Variants in CCDC13 observed in about 807,000 individuals in gnomAD.
The protein encoded by CCDC13 is coiled-coil domain-containing protein 13.
CCDC13 carries 70 observed loss-of-function variants against 87.3 expected under a neutral mutation model. The ratio of observed to expected loss-of-function variants is 0.80; its 90% CI spans 0.66 to 0.98. The LOEUF (loss-of-function observed/expected upper bound fraction) is 0.98, where lower values mean the gene tolerates loss of function less well. Among genes scored for constraint, CCDC13 ranks in the 50% least tolerant of loss-of-function variants. The pLI, the probability that CCDC13 is intolerant of heterozygous loss-of-function variation, is 0.00. For synonymous variants in CCDC13, 317 were observed against 360.3 expected (o/e 0.88, Z 1.36); for missense variants, 842 against 892.0 (o/e 0.94, Z 0.71).
At chr3:42,727,231 G>A (rs940144385) in intron 13 of CCDC13, among the ~76,000 whole-genome samples, 1 of 152,036 alleles carries the variant, frequency 6.6e-6, no homozygotes, top group Non-Finnish European at 1.5e-5. Flanking sequence ...AATTAGCTGG[G>A]CGTAGTGGCT....
intron 3 of CCDC13, among the ~76,000 whole-genome samples, chr3:42,754,953 T>A (rs1306868075): frequency 6.6e-6 from 1 of 152,204 alleles, no homozygotes; most frequent in African/African-American, 2.4e-5. Flanking sequence ...ACTATCTGGC[T>A]AAATAGAATA....
intron 14 of CCDC13, among the ~76,000 whole-genome samples, chr3:42,710,648 C>A (rs1489464865): frequency 1.3e-5 from 2 of 152,184 alleles, no homozygotes. Context: ...GTCTGGCCAA[C>A]ACGGTGAAAC....
At chr3:42,724,996 A>T (rs1390309246) in intron 13 of CCDC13, among the ~76,000 whole-genome samples, 1 of 152,214 alleles carries the variant, frequency 6.6e-6, no homozygotes, top group East Asian at 1.9e-4. Flanking sequence ...TCAAATAAAA[A>T]TATAAACAAC....
intron 12 of CCDC13, 58 bp downstream of exon 12, chr3:42,732,829 G>T: frequency 7.0e-7 from 1 of 1,431,076 alleles, no homozygotes; most frequent in Non-Finnish European, 9.6e-7. Flanking sequence ...TGGCAATACT[G>T]GTTGAGCAAT....
At position 42,742,915 on chromosome 3, in the gene CCDC13, T is replaced by C. The variant is rs780440894; in HGVS notation, c.968A>G (p.Glu323Gly). The C allele has an allele frequency of 1.8e-4, 291 of 1,614,020 alleles. No individual in the cohort carries two copies. The highest frequency in any genetic ancestry group is 3.2e-4 in the Admixed American group (19 of 60,004). Reference sequence around the variant, plus strand: ...CGTTACCTCCAAGCCTTCCTGTTTTTCCCTTTCCAGGCTGCGGATCCTCAG... The same window carrying C: ...CGTTACCTCCAAGCCTTCCTGTTTTCCCCTTTCCAGGCTGCGGATCCTCAG... ...NLLRIRSLER[E>G]KQEGLEKLAS... Residue 323 changes from glutamate (E) to glycine (G), a missense_variant, in exon 8 of 16, where the codon GAA becomes GGA. Glu to Gly is a moderately conservative substitution (Grantham distance 98). Coordinates refer to ENST00000310232, the MANE Select transcript of CCDC13 (RefSeq NM_144719.4).
intron 14 of CCDC13, among the ~76,000 whole-genome samples, chr3:42,711,229 G>C (rs557595934): frequency 2.4e-4 from 32 of 135,404 alleles, no homozygotes; most frequent in African/African-American, 6.9e-4. Context: ...CTGAGGGACA[G>C]AGTGAGACTC....
At chr3:42,718,590 C>T (rs1261543384) in intron 13 of CCDC13, among the ~76,000 whole-genome samples, 1 of 152,150 alleles carries the variant, frequency 6.6e-6, no homozygotes, top group Non-Finnish European at 1.5e-5. Flanking sequence ...TTTCCTGTAA[C>T]ATCTTTCTGG....
chr3:42,745,009 C>T (rs1699354375), intron 7 of CCDC13: 1 of 152,002 alleles, frequency 6.6e-6, no homozygotes, highest in Non-Finnish European at 1.5e-5. Context: ...GACCGGTGGC[C>T]AAACGTAAAC....
rs901782237 is a variant in CCDC13 at position 42,741,582 on chromosome 3, T to C, written c.987+1314A>G. Among the ~76,000 whole-genome samples, 4 of 151,896 alleles carry C rather than the reference T, an allele frequency of 2.6e-5. No homozygotes were observed. In the East Asian group the frequency reaches 7.7e-4, roughly 29 times the overall value. ...TGAAACCCTGTCTCTACTAAATATA[T>C]AAAAATTAGCCGGGCATGGTGGCAG... On this transcript the variant is annotated intron_variant, in intron 8 of 15. Transcript: ENST00000310232.
chr3:42,750,891 C>A (rs1699560731), intron 5 of CCDC13, among the ~76,000 whole-genome samples: 1 of 152,214 alleles, frequency 6.6e-6, no homozygotes. Flanking sequence ...TGGAATAAAC[C>A]AGGGGCAGCT....
intron 11 of CCDC13, 87 bp downstream of exon 11, chr3:42,733,383 G>C: frequency 6.6e-7 from 1 of 1,526,556 alleles, no homozygotes; most frequent in Non-Finnish European, 9.1e-7. Context: ...TGCACCTGTG[G>C]CTTCCCATCA....
chr3:42,732,871 G>C lies in CCDC13; in HGVS notation c.1595+16C>G. On this transcript the variant is annotated intron_variant, in intron 12 of 15. Transcript: ENST00000310232. ...TGGGAAAAAACTGTGAGAGTCCGGG[G>C]GTCGGGGGTCCATACCTAGGTGAGG... The C allele has an allele frequency of 1.3e-6, 2 of 1,548,318 alleles. No individual in the cohort carries two copies. The highest frequency in any genetic ancestry group is 1.7e-6 in the Non-Finnish European group (2 of 1,144,418).
At chr3:42,770,818 C>T (rs1700062524) in intron 1 of CCDC13, 1 of 153,158 alleles carries the variant, frequency 6.5e-6, no homozygotes, top group Non-Finnish European at 1.5e-5. Context: ...CTGTAACACT[C>T]ACCGCGAAGG....
chr3:42,758,358 A>G lies in CCDC13; in HGVS notation c.-6-7T>C. On this transcript the variant is annotated splice_polypyrimidine_tract_variant and splice_region_variant and intron_variant, in intron 1 of 15. Transcript: ENST00000310232. ...CATCTGCTGCCATCCTGCCCTAGGC[A>G]TCAGAAATGAAGCCTCAGCTGAAGC... is the stretch of plus-strand genomic sequence containing the variant. 1.2e-6 allele frequency: 2 copies of G among 1,611,220 alleles called. No individual in the cohort carries two copies. Among genetic ancestry groups the G allele is most frequent in the Non-Finnish European group, 1.7e-6 (2 of 1,179,726 alleles).
intron 9 of CCDC13, among the ~76,000 whole-genome samples, chr3:42,737,741 G>A (rs1403206609): frequency 5.9e-5 from 9 of 152,258 alleles, no homozygotes; most frequent in Non-Finnish European, 7.3e-5. Context: ...CATATCCTTC[G>A]CCCACTTTTT....
chr3:42,717,022 T>A (rs1698446440), intron 13 of CCDC13, among the ~76,000 whole-genome samples: 1 of 152,242 alleles, frequency 6.6e-6, no homozygotes, highest in Admixed American at 6.5e-5. Context: ...TATGCTACCA[T>A]ACGGATGAAC....
chr3:42,742,831 C>T, intron 8 of CCDC13, 65 bp downstream of exon 8: 2 of 1,589,242 alleles, frequency 1.3e-6, no homozygotes, highest in Non-Finnish European at 1.7e-6. Context: ...CCTCAGAGCC[C>T]TTGCAGGCAC....
At chr3:42,747,151 G>T in intron 6 of CCDC13, 106 bp downstream of exon 6, 1 of 846,956 alleles carries the variant, frequency 1.2e-6, no homozygotes, top group Non-Finnish European at 2.0e-6. Context: ...TGTGCTCAAG[G>T]GACTGAGCAC....
At chr3:42,722,254 G>A (rs145649221) in intron 13 of CCDC13, among the ~76,000 whole-genome samples, 201 of 152,192 alleles carry the variant, frequency 1.3e-3, no homozygotes, top group East Asian at 0.01. Flanking sequence ...GAATATCATC[G>A]CCCCTATTCA....
Sources: allele counts gnomAD v4.1 joint callset (sites outside exome capture counted in the v4.1 genomes callset), GRCh38; gene constraint gnomAD v4.1.1; transcripts MANE v1.5; gene names NCBI Gene and HGNC (gene_info 2026-07-23, HGNC 2026-07-21).